The following KRT7 variants were observed in gnomAD, a reference collection of about 807,000 sequenced individuals.
KRT7 encodes the protein keratin 7, also known as keratin, type II cytoskeletal 7.
A neutral mutation model predicts 42.8 loss-of-function variants in KRT7; 50 were observed. The observed-to-expected ratio is 1.17, with a 90% CI of 0.93 to 1.48. KRT7 has a LOEUF of 1.48. Among genes scored for constraint, KRT7 ranks in the 40% most tolerant of loss-of-function variants. KRT7 has a pLI of 0.00. For synonymous variants in KRT7, 268 were observed against 266.3 expected, an observed-to-expected ratio of 1.01 and a Z score of -0.06; for missense variants, 588 against 637.6, an observed-to-expected ratio of 0.92 and a Z score of 0.84.
intron 6 of KRT7, among the ~76,000 whole-genome samples, chr12:52,244,066 G>A (rs572328158): frequency 9.3e-4 from 142 of 152,380 alleles, no homozygotes; most frequent in African/African-American, 3.3e-3. Context: ...AGCTCAGCCT[G>A]TGCAGGTGTC....
At chr12:52,237,610 C>CGT (rs1555182303) in intron 3 of KRT7, 41 bp downstream of exon 3, 3 of 1,539,222 alleles carry the variant, frequency 1.9e-6, no homozygotes, top group Non-Finnish European at 2.7e-6. Context: ...TGTCTGAAAA[C>CGT]ATGGGACAAA....
At position 52,235,151 on chromosome 12, in the gene KRT7, C is replaced by T. The variant is rs1269225897; in HGVS notation, c.325-4C>T. ...TTGAGTTTCCTCCTTCTCGCCCGTT[C>T]TAGGTGCGGTTTCTGGAGCAGCAGA... On this transcript the variant is annotated splice_polypyrimidine_tract_variant and splice_region_variant and intron_variant, in intron 1 of 8. Coordinates refer to ENST00000331817, the MANE Select transcript of KRT7 (RefSeq NM_005556.4). 1 of 1,613,934 alleles carries T rather than the reference C, an allele frequency of 6.2e-7. No homozygotes were observed. The highest frequency in any genetic ancestry group is 2.2e-5 in the East Asian group (1 of 44,880).
At chr12:52,255,527 G>A, downstream of KRT7, 1 of 435,928 alleles carries the variant, frequency 2.3e-6, no homozygotes, top group South Asian at 1.6e-5. Flanking sequence ...AATCAAAAAA[G>A]TGTTGGACTG....
intron 6 of KRT7, chr12:52,244,606 T>C (rs1565721100): frequency 4.1e-6 from 4 of 985,792 alleles, no homozygotes; most frequent in Non-Finnish European, 4.8e-6. Flanking sequence ...GGATAGAGAA[T>C]GGCCGGTAAG....
Position 52,235,344 on chromosome 12 carries a change from G to A in KRT7, c.514G>A (p.Val172Met). The A allele has an allele frequency of 6.2e-7, 1 of 1,612,270 alleles. No individual in the cohort carries two copies. Among genetic ancestry groups the A allele is most frequent in the African/African-American group, 1.3e-5 (1 of 75,024 alleles). Residue 172 changes from valine (V) to methionine (M), a missense_variant, in exon 2 of 9, where the codon GTG becomes ATG. Physicochemically the swap from Val to Met is conservative, Grantham distance 21 (BLOSUM62 1). Transcript: ENST00000331817. ...LEAELRSMQD[V>M]VEDFKNKYED... ...GGCGGAGCTGCGGAGCATGCAGGATGTGGTGGAGGACTTCAAGAATAAGTA... is the reference window on the plus strand; with the variant it reads ...GGCGGAGCTGCGGAGCATGCAGGATATGGTGGAGGACTTCAAGAATAAGTA...
intron 3 of KRT7, 123 bp from the exon 4 acceptor site, chr12:52,238,557 T>C (rs1206542920): frequency 6.0e-6 from 4 of 671,800 alleles, no homozygotes. Context: ...AGAAACTGTT[T>C]CTGGGTAGGG....
Position 52,235,220 on chromosome 12 carries a change from G to C in KRT7, c.390G>C (p.Lys130Asn), listed in dbSNP as rs1209017523. 1 of 1,614,198 alleles carries C rather than the reference G, an allele frequency of 6.2e-7. No homozygotes were observed. The highest frequency in any genetic ancestry group is 1.1e-5 in the South Asian group (1 of 91,082). Reference protein sequence around the residue: ...ETKWTLLQEQKSAKSSRLPDI... With the variant: ...ETKWTLLQEQNSAKSSRLPDI... ...AGTGGACGCTGCTGCAGGAGCAGAA[G>C]TCGGCCAAGAGCAGCCGCCTCCCAG... The change falls in exon 2 of 9, where the codon AAG becomes AAC. Residue 130 changes from lysine (K) to asparagine (N), a missense_variant. Coordinates refer to ENST00000331817, the MANE Select transcript of KRT7 (RefSeq NM_005556.4).
At chr12:52,240,976 C>T (rs1233187877) in intron 4 of KRT7, among the ~76,000 whole-genome samples, 1 of 151,238 alleles carries the variant, frequency 6.6e-6, no homozygotes, top group Non-Finnish European at 1.5e-5. Flanking sequence ...GCCCTGTGCC[C>T]AAGTGATGTC....
In KRT7 at chr12:52,236,209, C is replaced by A. The variant is rs529169685; in HGVS notation, c.536+843C>A. 5.2e-5 allele frequency among the ~76,000 whole-genome samples: 7 copies of A among 135,632 alleles called. No individual in the cohort carries two copies. In the South Asian group the frequency reaches 1.8e-3, roughly 34 times the overall value. 89.0% of individuals were successfully genotyped at this position (135,632 alleles called of 152,430 possible). On this transcript the variant is annotated intron_variant, in intron 2 of 8. Transcript: ENST00000331817. ...GTCTCTGTGGAGTGCCCCCCCCCAA[C>A]ACTCCCACTTCCCTAGGGCAAAAGT...
intron 2 of KRT7, 102 bp downstream of exon 2, chr12:52,235,468 A>C: frequency 1.0e-6 from 1 of 985,590 alleles, no homozygotes; most frequent in South Asian, 1.6e-5. Flanking sequence ...ATCAGCATGC[A>C]GCTGCTCAGT....
At chr12:52,243,556 T>G (rs1942125139) in intron 6 of KRT7, 1 of 161,290 alleles carries the variant, frequency 6.2e-6, no homozygotes, top group Non-Finnish European at 1.3e-5. Context: ...CTTTCCACGA[T>G]TCCCCTCACT....
At chr12:52,245,696 T>G in intron 7 of KRT7, 64 bp downstream of exon 7, 1 of 1,596,460 alleles carries the variant, frequency 6.3e-7, no homozygotes, top group Non-Finnish European at 8.6e-7. Flanking sequence ...GGCTTGACAT[T>G]CATCCATTTA....
chr12:52,244,894 C>T lies in KRT7; in HGVS notation c.985-518C>T, dbSNP rs1041993520. Among the ~76,000 whole-genome samples, 4 of 152,242 alleles carry T rather than the reference C, an allele frequency of 2.6e-5. 1 individual carries two copies. Among genetic ancestry groups the T allele is most frequent in the Admixed American group, 2.6e-4 (4 of 15,304 alleles). Reference sequence around the variant, plus strand: ...CAGGCCCTCCTATTCTGCGCCTGCTCTCAACTGGTTCCTATTTTATAGGTG... The same window carrying T: ...CAGGCCCTCCTATTCTGCGCCTGCTTTCAACTGGTTCCTATTTTATAGGTG... On this transcript the variant is annotated intron_variant, in intron 6 of 8. Coordinates refer to ENST00000331817, the MANE Select transcript of KRT7 (RefSeq NM_005556.4).
At chr12:52,236,886 G>A (rs1260807542) in intron 2 of KRT7, among the ~76,000 whole-genome samples, 4 of 152,206 alleles carry the variant, frequency 2.6e-5, no homozygotes, top group Non-Finnish European at 5.9e-5. Context: ...GATGGGGGCT[G>A]GATCATCAGG....
At chr12:52,234,251 G>A (rs866375194) in intron 1 of KRT7, among the ~76,000 whole-genome samples, 1 of 152,210 alleles carries the variant, frequency 6.6e-6, no homozygotes, top group Middle Eastern at 3.4e-3. Flanking sequence ...GAGTGGCAGA[G>A]AGGGCCCTCA....
At chr12:52,235,103 T>C in intron 1 of KRT7, 52 bp from the exon 2 acceptor site, 16 of 1,551,590 alleles carry the variant, frequency 1.0e-5, no homozygotes, top group Non-Finnish European at 1.8e-6. Flanking sequence ...AATCCCGCTG[T>C]GGGTGGCACG....
In KRT7 at chr12:52,248,658, G is replaced by A. The variant is rs112633241; in HGVS notation, c.1308G>A (p.Met436Ile). The A allele has an allele frequency of 6.2e-7, 1 of 1,613,068 alleles. No homozygotes were observed. ...GGIGLTLGGT[M>I]GSNALSFSSS... ...TTGGGCTGACCCTCGGGGGAACCAT[G>A]GGCAGCAATGCCCTGAGCTTCTCCA... Residue 436 changes from methionine to isoleucine, a missense_variant, in exon 9 of 9, where the codon ATG becomes ATA. Transcript: ENST00000331817.
intron 2 of KRT7, among the ~76,000 whole-genome samples, chr12:52,237,082 C>T (rs7295280): frequency 0.29 from 43,633 of 152,110 alleles, 6,882 homozygotes; most frequent in Non-Finnish European, 0.34. Context: ...GGGCAGATTA[C>T]GCTGCCTCTC....
chr12:52,247,924 A>G (rs1210373063), intron 7 of KRT7: 1 of 552,874 alleles, frequency 1.8e-6, no homozygotes, highest in Non-Finnish European at 3.3e-6. Flanking sequence ...AGTTGGGCCC[A>G]AGGCATAGGT....
Sources: gnomAD v4.1 joint callset for allele counts (sites outside exome capture counted in the v4.1 genomes callset) on GRCh38, gnomAD v4.1.1 for gene constraint, MANE v1.5 for transcripts, NCBI Gene and HGNC (gene_info 2026-07-23, HGNC 2026-07-21) for gene names.